The following EYS variants were observed in gnomAD, a reference collection of about 807,000 sequenced individuals.
The protein encoded by EYS is protein eyes shut homolog.
A neutral mutation model predicts 282.1 loss-of-function variants in EYS; 250 were observed. The observed-to-expected ratio is 0.89, with a 90% CI of 0.80 to 0.98. The LOEUF is 0.98. Among genes scored for constraint, EYS ranks in the 50% least tolerant of loss-of-function variants. EYS has a pLI of 0.00. For synonymous variants in EYS, 1,355 were observed against 1,282.9 expected (o/e 1.06, Z -1.20); for missense variants, 4,016 against 3,709.0 (o/e 1.08, Z -2.15).
At chr6:65,423,500 C>T (rs951096647) in intron 5 of EYS, among the ~76,000 whole-genome samples, 1 of 151,896 alleles carries the variant, frequency 6.6e-6, no homozygotes, top group African/African-American at 2.4e-5. Flanking sequence ...TGGGACCTAG[C>T]TTCCAAAACT....
At chr6:65,689,573 T>A (rs1191782555) in intron 1 of EYS, among the ~76,000 whole-genome samples, 3 of 149,726 alleles carry the variant, frequency 2.0e-5, no homozygotes, top group African/African-American at 4.9e-5. Flanking sequence ...GTAGAAAAAA[T>A]TATCCTATAT....
intron 22 of EYS, among the ~76,000 whole-genome samples, chr6:64,809,407 G>T (rs1764530093): frequency 6.6e-6 from 1 of 151,880 alleles, no homozygotes; most frequent in Admixed American, 6.6e-5. Flanking sequence ...AAAAGTAAAA[G>T]AGATTAAAAT....
At chr6:65,145,861 T>A (rs1326355952) in intron 12 of EYS, among the ~76,000 whole-genome samples, 1 of 152,016 alleles carries the variant, frequency 6.6e-6, no homozygotes, top group Non-Finnish European at 1.5e-5. Context: ...AGAATTGGAA[T>A]ATATCCATTC....
chr6:64,009,682 T>C (rs1768515320), intron 33 of EYS, among the ~76,000 whole-genome samples: 1 of 152,200 alleles, frequency 6.6e-6, no homozygotes, highest in African/African-American at 2.4e-5. Flanking sequence ...TTGTTCTGAA[T>C]CTTGATGATC....
At chr6:64,361,570 G>T (rs1561951070) in intron 29 of EYS, among the ~76,000 whole-genome samples, 1 of 151,676 alleles carries the variant, frequency 6.6e-6, no homozygotes, top group Non-Finnish European at 1.5e-5. Context: ...TAGTTGTATT[G>T]TTGCTGTAAT....
At chr6:64,718,707 C>G (rs1020902307) in intron 22 of EYS, among the ~76,000 whole-genome samples, 1 of 152,158 alleles carries the variant, frequency 6.6e-6, no homozygotes, top group Non-Finnish European at 1.5e-5. Flanking sequence ...TCAGTACTCC[C>G]TGTAAAAGGT....
At position 64,824,428 on chromosome 6, in the gene EYS, A is replaced by G. The variant is rs925520619; in HGVS notation, c.2993-1606T>C. Among the ~76,000 whole-genome samples the G allele has an allele frequency of 3.3e-5, 5 of 151,964 alleles. No individual in the cohort carries two copies. The Admixed American group carries it at 3.3e-4, about 10-fold the overall frequency. On this transcript the variant is annotated intron_variant, in intron 19 of 42. Coordinates refer to ENST00000503581, the MANE Select transcript of EYS (RefSeq NM_001142800.2). Reference sequence around the variant, plus strand: ...GATGATAGAGTATAGGCATGCATCAAAAACAACCTAGCCAAGGTCTGATAC... The same window carrying G: ...GATGATAGAGTATAGGCATGCATCAGAAACAACCTAGCCAAGGTCTGATAC...
At chr6:64,563,665 G>A (rs1765474115) in intron 26 of EYS, among the ~76,000 whole-genome samples, 1 of 151,968 alleles carries the variant, frequency 6.6e-6, no homozygotes, top group African/African-American at 2.4e-5. Flanking sequence ...CTTTTGCTGA[G>A]CATCAAGGCT....
intron 24 of EYS, among the ~76,000 whole-genome samples, chr6:64,616,119 C>A (rs1767266842): frequency 6.6e-6 from 1 of 151,968 alleles, no homozygotes; most frequent in African/African-American, 2.4e-5. Flanking sequence ...GTAAAATAAG[C>A]ATTGATTTTC....
At chr6:63,803,743 C>T (rs1236586193) in intron 37 of EYS, among the ~76,000 whole-genome samples, 1 of 152,130 alleles carries the variant, frequency 6.6e-6, no homozygotes, top group East Asian at 1.9e-4. Flanking sequence ...AGACACTGGG[C>T]TAAGCATGGG....
chr6:64,490,647 C>T (rs896990477), intron 26 of EYS, among the ~76,000 whole-genome samples: 2 of 150,502 alleles, frequency 1.3e-5, no homozygotes, highest in East Asian at 1.9e-4. Flanking sequence ...CAACGCAGTG[C>T]AATAAAATGT....
chr6:64,353,384 T>C (rs1165377109), intron 29 of EYS, among the ~76,000 whole-genome samples: 2 of 151,582 alleles, frequency 1.3e-5, no homozygotes, highest in Non-Finnish European at 3.0e-5. Context: ...AATTTATTTC[T>C]CCATCATTAC....
intron 8 of EYS, among the ~76,000 whole-genome samples, chr6:65,363,063 C>T (rs1764776056): frequency 1.3e-5 from 2 of 152,004 alleles, no homozygotes. Context: ...TGACATTACA[C>T]CTTTGTAGTT....
chr6:64,731,159 A>G (rs912386737), intron 22 of EYS, among the ~76,000 whole-genome samples: 1 of 152,080 alleles, frequency 6.6e-6, no homozygotes, highest in African/African-American at 2.4e-5. Flanking sequence ...AATGTAATAC[A>G]TAAAACCATA....
At chr6:64,836,850 T>C (rs1765397858) in intron 19 of EYS, among the ~76,000 whole-genome samples, 1 of 151,654 alleles carries the variant, frequency 6.6e-6, no homozygotes, top group Non-Finnish European at 1.5e-5. Flanking sequence ...TTTTGAAATG[T>C]GCCTAGGAAG....
At chr6:64,430,556 C>A (rs1490145806) in intron 28 of EYS, among the ~76,000 whole-genome samples, 1 of 152,310 alleles carries the variant, frequency 6.6e-6, no homozygotes, top group East Asian at 1.9e-4. Context: ...TCAAATTCAA[C>A]TACTAAGTGT....
At chr6:63,852,800 C>T (rs1396592429) in intron 36 of EYS, among the ~76,000 whole-genome samples, 1 of 152,192 alleles carries the variant, frequency 6.6e-6, no homozygotes, top group African/African-American at 2.4e-5. Flanking sequence ...AAGTCGACTT[C>T]ATCCCTGGGA....
chr6:64,988,885 C>T (rs887965883), intron 14 of EYS, among the ~76,000 whole-genome samples: 2 of 151,386 alleles, frequency 1.3e-5, no homozygotes, highest in Non-Finnish European at 3.0e-5. Flanking sequence ...ACAAAAGTGA[C>T]TGAATTACAG....
chr6:64,657,390 T>G (rs1562116775), intron 22 of EYS, among the ~76,000 whole-genome samples: 1 of 152,214 alleles, frequency 6.6e-6, no homozygotes, highest in Non-Finnish European at 1.5e-5. Flanking sequence ...AATTTGATTC[T>G]GTCATTATGA....
Sources: allele counts gnomAD v4.1 joint callset (sites outside exome capture counted in the v4.1 genomes callset), GRCh38; gene constraint gnomAD v4.1.1; transcripts MANE v1.5; gene names NCBI Gene and HGNC (gene_info 2026-07-23, HGNC 2026-07-21).